LAMA4: variants seen among roughly 807,000 people sequenced by gnomAD.
LAMA4 encodes the protein laminin subunit alpha-4.
A neutral mutation model predicts 207.1 loss-of-function variants in LAMA4; 127 were observed. The observed-to-expected ratio is 0.61, with a 90% confidence interval of 0.53 to 0.71. The LOEUF (loss-of-function observed/expected upper bound fraction) is 0.71. Ranked by LOEUF, LAMA4 falls within the 30% of genes least tolerant of loss-of-function variation. LAMA4 has a pLI of 0.00. For synonymous variants in LAMA4, 761 were observed against 816.0 expected, an observed-to-expected ratio of 0.93 and a Z score of 1.15; for missense variants, 2,093 against 2,246.5, an observed-to-expected ratio of 0.93 and a Z score of 1.38.
At chr6:112,148,433 A>G in intron 17 of LAMA4, 97 bp from the exon 18 acceptor site, 1 of 1,345,438 alleles carries the variant, frequency 7.4e-7, no homozygotes, top group Non-Finnish European at 1.0e-6. Flanking sequence ...AACAGATCTC[A>G]CATTTTGGGC....
chr6:112,142,027 G>C (rs1779726070), intron 20 of LAMA4, 92 bp downstream of exon 20: 2 of 1,280,420 alleles, frequency 1.6e-6, no homozygotes, highest in Admixed American at 1.7e-5. Context: ...GCATTGTTTT[G>C]GTTTGTTTGC....
chr6:112,230,376 C>G (rs1461828854), intron 2 of LAMA4, among the ~76,000 whole-genome samples: 8 of 152,190 alleles, frequency 5.3e-5, no homozygotes, highest in Non-Finnish European at 1.0e-4. Context: ...CCTGAGGCAG[C>G]AGAAAGTCTG....
At chr6:112,197,995 T>A (rs1385466458) in intron 5 of LAMA4, among the ~76,000 whole-genome samples, 2 of 152,244 alleles carry the variant, frequency 1.3e-5, no homozygotes, top group African/African-American at 2.4e-5. Flanking sequence ...AAATATTCAC[T>A]GAGAACTCCT....
chr6:112,137,236 C>T (rs1258437569), intron 24 of LAMA4, among the ~76,000 whole-genome samples: 6 of 152,022 alleles, frequency 3.9e-5, no homozygotes, highest in Admixed American at 3.9e-4. Flanking sequence ...AAAAATAAAG[C>T]ATTGTGGCAA....
intron 31 of LAMA4, among the ~76,000 whole-genome samples, chr6:112,124,791 T>C (rs587686683): frequency 6.6e-5 from 10 of 151,512 alleles, no homozygotes; most frequent in Non-Finnish European, 1.5e-4. Context: ...AGTTTTGCTC[T>C]TGTTGCCCAG....
chr6:112,155,177 G>C, intron 15 of LAMA4: 1 of 601,970 alleles, frequency 1.7e-6, no homozygotes. Context: ...CTAGAACAAA[G>C]CCCTGGCCAA....
intron 38 of LAMA4, 32 bp downstream of exon 38, chr6:112,114,044 T>C (rs1777861487): frequency 1.2e-6 from 2 of 1,612,834 alleles, no homozygotes; most frequent in Middle Eastern, 1.7e-4. Context: ...GTTTTTTGGA[T>C]TGGGAACTTT....
chr6:112,204,087 CCGGATA>C (rs1221496248), intron 4 of LAMA4, among the ~76,000 whole-genome samples: 1 of 152,156 alleles, frequency 6.6e-6, no homozygotes, highest in Admixed American at 6.5e-5. Flanking sequence ...AACTAACATA[CCGGATA>C]CTGTGATTCA....
intron 2 of LAMA4, among the ~76,000 whole-genome samples, chr6:112,249,672 AT>A (rs1787287971): frequency 6.6e-6 from 1 of 151,996 alleles, no homozygotes; most frequent in Non-Finnish European, 1.5e-5. Flanking sequence ...AGTCACATTG[AT>A]TTGTCATGAA....
At chr6:112,216,600 C>T in intron 2 of LAMA4, 131 bp from the exon 3 acceptor site, 1 of 697,754 alleles carries the variant, frequency 1.4e-6, no homozygotes, top group Non-Finnish European at 2.6e-6. Context: ...CTAAATGATA[C>T]ATACAAAACA....
chr6:112,152,079 C>G (rs1222897937), intron 16 of LAMA4, among the ~76,000 whole-genome samples: 6 of 152,174 alleles, frequency 3.9e-5, no homozygotes, highest in South Asian at 2.1e-4. Context: ...TTTTGCATCT[C>G]TTTTTGTGAG....
intron 18 of LAMA4, among the ~76,000 whole-genome samples, chr6:112,145,915 G>A (rs1562659079): frequency 2.0e-5 from 3 of 151,948 alleles, no homozygotes. Flanking sequence ...GGAATACTGG[G>A]AAAAAAGGTA....
At chr6:112,131,158 T>C (rs782094008) in intron 28 of LAMA4, 57 bp from the exon 29 acceptor site, 18 of 1,541,110 alleles carry the variant, frequency 1.2e-5, no homozygotes, top group Non-Finnish European at 1.4e-5. Flanking sequence ...AAGACGGAAA[T>C]GTTTTCAACA....
chr6:112,129,198 G>T (rs1424099733), intron 30 of LAMA4, 123 bp from the exon 31 acceptor site: 3 of 770,108 alleles, frequency 3.9e-6, no homozygotes, highest in African/African-American at 1.7e-5. Flanking sequence ...ATGTGTGTGT[G>T]TGTGTATGTG....
At chr6:112,119,764 C>T (rs782108559) in intron 33 of LAMA4, among the ~76,000 whole-genome samples, 1 of 152,134 alleles carries the variant, frequency 6.6e-6, no homozygotes, top group African/African-American at 2.4e-5. Context: ...CCCAGTTAAC[C>T]AGGCCACATA....
At chr6:112,234,425 T>C (rs1785757095) in intron 2 of LAMA4, 1 of 152,158 alleles carries the variant, frequency 6.6e-6, no homozygotes, top group South Asian at 2.1e-4. Flanking sequence ...TAAAGTATTC[T>C]TATAAAGCTT....
In LAMA4 at chr6:112,142,722, C is replaced by T. The variant is rs9487827; in HGVS notation, c.2494-430G>A. ...GTCCCTAGGGTCCTCATAAAAGGGA[C>T]ATGGGGTGAGGCTGTGAGCAACATC... is the stretch of plus-strand genomic sequence containing the variant. On this transcript the variant is annotated intron_variant, in intron 19 of 38. Transcript: ENST00000230538. Among the ~76,000 whole-genome samples, 1,296 of 152,250 alleles carry T rather than the reference C, an allele frequency of 8.5e-3. 22 individuals carry two copies. The highest frequency in any genetic ancestry group is 0.029 in the African/African-American group (1,218 of 41,538).
chr6:112,187,342 TAA>T, intron 8 of LAMA4, 106 bp downstream of exon 8: 1 of 1,259,262 alleles, frequency 7.9e-7, no homozygotes, highest in Non-Finnish European at 1.2e-6. Flanking sequence ...TAACAACCTG[TAA>T]TACAGGTATG....
At chr6:112,199,412 A>C (rs1554351479) in intron 5 of LAMA4, among the ~76,000 whole-genome samples, 1 of 150,586 alleles carries the variant, frequency 6.6e-6, no homozygotes, top group East Asian at 2.0e-4. Context: ...AACCTCAGAC[A>C]CTGAGGAGAA....
Sources: allele counts gnomAD v4.1 joint callset (sites outside exome capture counted in the v4.1 genomes callset), GRCh38; gene constraint gnomAD v4.1.1; transcripts MANE v1.5; gene names NCBI Gene and HGNC (gene_info 2026-07-23, HGNC 2026-07-21).